Variants in FBXO21 observed in about 807,000 individuals in gnomAD.
FBXO21 encodes F-box only protein 21.
In FBXO21, 32 loss-of-function variants were observed where a neutral mutation model predicts 76.6. The observed-to-expected ratio is 0.42, with a 90% CI of 0.32 to 0.56. FBXO21 has a LOEUF of 0.56. Among genes scored for constraint, FBXO21 ranks in the 20% least tolerant of loss-of-function variants. The pLI is 0.16. For synonymous variants in FBXO21, 328 were observed against 311.5 expected (o/e 1.05, Z -0.56); for missense variants, 586 against 797.3 (o/e 0.73, Z 3.19).
intron 4 of FBXO21, among the ~76,000 whole-genome samples, chr12:117,177,064 TCCTTCTCA>T (rs1237695403): frequency 2.0e-5 from 3 of 152,218 alleles, no homozygotes; most frequent in Non-Finnish European, 4.4e-5. Context: ...CTCAACTTCT[TCCTTCTCA>T]CCTTTCATTA....
At chr12:117,182,314 T>G (rs930911958) in intron 3 of FBXO21, among the ~76,000 whole-genome samples, 2 of 152,126 alleles carry the variant, frequency 1.3e-5, no homozygotes, top group Admixed American at 6.5e-5. Context: ...GGAAACATAG[T>G]GAGACACTGT....
intron 10 of FBXO21, 48 bp from the exon 11 acceptor site, chr12:117,155,996 C>G (rs758169985): frequency 6.3e-7 from 1 of 1,588,734 alleles, no homozygotes; most frequent in East Asian, 2.2e-5. Context: ...CCGGCCGCAA[C>G]AACCTCCAGA....
intron 8 of FBXO21, among the ~76,000 whole-genome samples, chr12:117,165,909 G>T (rs1956048370): frequency 6.6e-6 from 1 of 152,200 alleles, no homozygotes; most frequent in African/African-American, 2.4e-5. Flanking sequence ...AATTCTGAAG[G>T]CCGGGCGCAG....
intron 7 of FBXO21, among the ~76,000 whole-genome samples, chr12:117,167,738 T>C (rs2135866239): frequency 7.7e-6 from 1 of 130,624 alleles, no homozygotes; most frequent in South Asian, 2.6e-4. Context: ...AGAAAAAGAC[T>C]CTGTCTCAAA....
chr12:117,170,145 G>GA (rs58416861), intron 7 of FBXO21, among the ~76,000 whole-genome samples: 20,370 of 64,484 alleles, frequency 0.32, 2,285 homozygotes, highest in East Asian at 0.57. Flanking sequence ...ATTTACAACT[G>GA]AAAAAAAAAA....
Position 117,172,545 on chromosome 12 carries a change from C to T in FBXO21, c.939G>A (p.Arg313=), listed in dbSNP as rs1241598483. 1 of 1,614,070 alleles carries T rather than the reference C, an allele frequency of 6.2e-7. No homozygotes were observed. The highest frequency in any genetic ancestry group is 8.5e-7 in the Non-Finnish European group (1 of 1,179,942). The part of the protein sequence containing the change: ...SMSLLYLTIA[R]QLGVPLEPVN... ...CAGGCTCCAGTGGGACTCCCAACTG[C>T]CGAGCAATTGTCAAATAGAGCAGAG... Residue 313 remains arginine (R), a synonymous_variant, in exon 7 of 12, where the codon CGG becomes CGA. Transcript: ENST00000622495.
intron 3 of FBXO21, among the ~76,000 whole-genome samples, chr12:117,186,101 TC>T (rs1346947947): frequency 1.3e-5 from 2 of 152,206 alleles, no homozygotes; most frequent in East Asian, 3.9e-4. Context: ...GGTCGCGAAC[TC>T]CTGACTTCAG....
At chr12:117,147,625 A>C (rs939738295) in intron 11 of FBXO21, among the ~76,000 whole-genome samples, 3 of 150,972 alleles carry the variant, frequency 2.0e-5, no homozygotes, top group Admixed American at 1.3e-4. Context: ...AAAAGAGATA[A>C]TACAGGCAAG....
chr12:117,182,564 CTTT>C (rs891529583), intron 3 of FBXO21, among the ~76,000 whole-genome samples: 4 of 83,318 alleles, frequency 4.8e-5, no homozygotes, highest in East Asian at 4.8e-4. Flanking sequence ...GCAAGAGGAT[CTTT>C]TTTTTTTTTT....
chr12:117,174,027 C>T (rs1001541582), intron 6 of FBXO21, among the ~76,000 whole-genome samples, 178 bp downstream of exon 6: 8 of 152,088 alleles, frequency 5.3e-5, no homozygotes, highest in African/African-American at 1.4e-4. Flanking sequence ...GTCCTAGCTA[C>T]TCAGGAGGGT....
At position 117,172,563 on chromosome 12, in the gene FBXO21, G is replaced by A; in HGVS notation, c.921C>T (p.Leu307=). Residue 307 remains leucine, a synonymous_variant, in exon 7 of 12, where the codon CTC becomes CTT. Transcript: ENST00000622495. ...CCAACTGCCGAGCAATTGTCAAATA[G>A]AGCAGAGACATGCTGATTGGGATTC... The part of the protein sequence containing the change: ...RTGIPISMSL[L]YLTIARQLGV... 1 of 1,614,090 alleles carries A rather than the reference G, an allele frequency of 6.2e-7. No homozygotes were observed. The highest frequency in any genetic ancestry group is 8.5e-7 in the Non-Finnish European group (1 of 1,179,918).
chr12:117,176,222 T>A (rs2135876547), intron 4 of FBXO21, among the ~76,000 whole-genome samples: 1 of 152,348 alleles, frequency 6.6e-6, no homozygotes, highest in South Asian at 2.1e-4. Flanking sequence ...CAGCTTACTA[T>A]TAAATGCTAC....
chr12:117,188,040 A>C (rs553961352), intron 2 of FBXO21, among the ~76,000 whole-genome samples: 2 of 152,384 alleles, frequency 1.3e-5, no homozygotes, highest in South Asian at 4.1e-4. Context: ...AAAGCCTTGA[A>C]AACATTTCAA....
intron 3 of FBXO21, among the ~76,000 whole-genome samples, chr12:117,183,477 G>A (rs1330886772): frequency 6.6e-6 from 1 of 152,088 alleles, no homozygotes. Context: ...CCAGGCTGGT[G>A]TCGAACTCCT....
At position 117,143,705 on chromosome 12, in the gene FBXO21, G is replaced by C. The variant is rs1955738596; in HGVS notation, c.*2382C>G. The C allele has an allele frequency of 6.6e-6, 1 of 152,642 alleles. No individual in the cohort carries two copies. The highest frequency in any genetic ancestry group is 1.5e-5 in the Non-Finnish European group (1 of 68,050). 9.5% of individuals were successfully genotyped at this position (152,642 alleles called of 1,614,324 possible). On this transcript the variant is annotated 3_prime_UTR_variant, in exon 12 of 12. Coordinates refer to ENST00000622495, the MANE Select transcript of FBXO21 (RefSeq NM_015002.3). ...CATACTTTTCATATTTAGATCCGAA[G>C]AGAGGTGAGAGACATTCTACTCAAG...
At chr12:117,169,303 C>T (rs548249249) in intron 7 of FBXO21, among the ~76,000 whole-genome samples, 1 of 152,168 alleles carries the variant, frequency 6.6e-6, no homozygotes, top group Admixed American at 6.5e-5. Context: ...TGGAACAATA[C>T]ACACTGGGGC....
At chr12:117,157,776 C>T in intron 10 of FBXO21, 97 bp downstream of exon 10, 1 of 1,055,308 alleles carries the variant, frequency 9.5e-7, no homozygotes, top group South Asian at 1.9e-5. Flanking sequence ...CCAGTCAGCT[C>T]CTCCTCCACT....
rs763370527 is a variant in FBXO21 at position 117,165,634 on chromosome 12, A to C, written c.1194-17T>G. On this transcript the variant is annotated splice_polypyrimidine_tract_variant and intron_variant, in intron 8 of 11. Coordinates refer to ENST00000622495, the MANE Select transcript of FBXO21 (RefSeq NM_015002.3). ...ATGCCTTCCCTAGCAGAGGAAAAAC[A>C]ATGTTTGTCTCATCCTGCTTGTTTT... The C allele has an allele frequency of 3.4e-5, 54 of 1,583,972 alleles. No homozygotes were observed. The highest frequency in any genetic ancestry group is 4.2e-5 in the Non-Finnish European group (49 of 1,161,208).
rs1955734704 is a variant in FBXO21 at position 117,143,305 on chromosome 12, C to T, written c.*2782G>A. On this transcript the variant is annotated 3_prime_UTR_variant, in exon 12 of 12. Coordinates refer to ENST00000622495, the MANE Select transcript of FBXO21 (RefSeq NM_015002.3). ...GAAAGTCACGACGCACAGTACTGTG[C>T]GTCACAGGTATTGAGAAACACCACC... 6.6e-6 allele frequency: 1 copy of T among 152,128 alleles called. No individual in the cohort carries two copies. Among genetic ancestry groups the T allele is most frequent in the African/African-American group, 2.4e-5 (1 of 41,418 alleles). 9.4% of individuals were successfully genotyped at this position (152,128 alleles called of 1,614,324 possible). A position where few individuals can be genotyped will look rare whatever the true frequency, so the allele number is the denominator to read the frequency against.
Sources: allele counts gnomAD v4.1 joint callset (sites outside exome capture counted in the v4.1 genomes callset), GRCh38; gene constraint gnomAD v4.1.1; transcripts MANE v1.5; gene names NCBI Gene and HGNC (gene_info 2026-07-23, HGNC 2026-07-21).